Variants in SARAF observed in about 807,000 individuals in gnomAD.
The protein encoded by SARAF is store-operated calcium entry associated regulatory factor.
SARAF carries 23 observed loss-of-function variants against 39.7 expected under a neutral mutation model. That is an observed-to-expected ratio of 0.58 (90% confidence interval 0.42 to 0.82). SARAF has a LOEUF of 0.82. SARAF is among the 40% of genes least tolerant of loss of function. SARAF has a pLI of 0.00. For missense variants in SARAF, 384 were observed against 418.5 expected (o/e 0.92, Z 0.72); for synonymous variants, 175 against 168.5 (o/e 1.04, Z -0.30).
At chr8:30,064,561 A>ATATATATATATATTTTTTTTTTT (rs1423689069) in intron 5 of SARAF, among the ~76,000 whole-genome samples, 3 of 46,222 alleles carry the variant, frequency 6.5e-5, no homozygotes, top group Non-Finnish European at 1.0e-4. Context: ...ATATATATAT[A>ATATATATATATATTTTTTTTTTT]TTTTTTTTTT....
At chr8:30,083,102 G>T (rs963068312), upstream of SARAF, 3 of 550,960 alleles carry the variant, frequency 5.4e-6, no homozygotes, top group South Asian at 7.0e-5. Flanking sequence ...GGATCCGTGC[G>T]CCAACCCTAC....
At chr8:30,080,520 C>G (rs780782911) in intron 1 of SARAF, among the ~76,000 whole-genome samples, 1 of 152,204 alleles carries the variant, frequency 6.6e-6, no homozygotes, top group Non-Finnish European at 1.5e-5. Flanking sequence ...CACAATATAG[C>G]ATGTTATTTA....
chr8:30,076,713 C>A (rs1028588484), intron 1 of SARAF, among the ~76,000 whole-genome samples: 1 of 152,142 alleles, frequency 6.6e-6, no homozygotes, highest in Non-Finnish European at 1.5e-5. Context: ...GGTTAGTTAT[C>A]GCAGGAGTGG....
At position 30,074,008 on chromosome 8, in the gene SARAF, G is replaced by A. The variant is rs11538824; in HGVS notation, c.151C>T (p.Arg51Cys). 270 of 1,614,098 alleles carry A rather than the reference G, an allele frequency of 1.7e-4. No individual in the cohort carries two copies. Among genetic ancestry groups the A allele is most frequent in the Non-Finnish European group, 2.2e-4 (261 of 1,180,012 alleles). The change falls in exon 2 of 6, where the codon CGC becomes TGC. Residue 51 changes from arginine to cysteine, a missense_variant. By Grantham distance (180) the Arg-to-Cys change is radical. Transcript: ENST00000256255. Reference sequence around the variant, plus strand: ...TCCAGCCTGCGGGAGGTGGTATAGCGGTCATAGTGGAGGGTAAGAGCTTTT... The same window carrying A: ...TCCAGCCTGCGGGAGGTGGTATAGCAGTCATAGTGGAGGGTAAGAGCTTTT... ...DVKALTLHYD[R>C]YTTSRRLDPI...
At chr8:30,075,429 A>T (rs745723651) in intron 1 of SARAF, among the ~76,000 whole-genome samples, 2 of 152,236 alleles carry the variant, frequency 1.3e-5, no homozygotes, top group Non-Finnish European at 2.9e-5. Context: ...CTTCACCCTC[A>T]AACAGGTATG....
At chr8:30,083,076 G>C (rs954978096), upstream of SARAF, 20 of 629,272 alleles carry the variant, frequency 3.2e-5, no homozygotes, top group Non-Finnish European at 4.4e-5. Context: ...CCCGACTGCA[G>C]AGCTGCAGCC....
intron 5 of SARAF, among the ~76,000 whole-genome samples, chr8:30,064,534 C>CATAT (rs71204255): frequency 3.5e-4 from 27 of 78,218 alleles, no homozygotes; most frequent in Admixed American, 9.7e-4. Flanking sequence ...CTTACCTAGC[C>CATAT]ATATATATAT....
chr8:30,065,482 T>G (rs990951695), intron 5 of SARAF, among the ~76,000 whole-genome samples: 6 of 152,208 alleles, frequency 3.9e-5, no homozygotes, highest in Non-Finnish European at 7.3e-5. Context: ...CAGAGCAATC[T>G]CTCATGGCCT....
At chr8:30,068,016 T>A (rs1328894624) in intron 3 of SARAF, among the ~76,000 whole-genome samples, 1 of 152,192 alleles carries the variant, frequency 6.6e-6, no homozygotes, top group Non-Finnish European at 1.5e-5. Flanking sequence ...TTATGGTGGT[T>A]ATCTGGTGGC....
chr8:30,068,244 C>A (rs1330874349), intron 3 of SARAF, among the ~76,000 whole-genome samples: 2 of 152,208 alleles, frequency 1.3e-5, no homozygotes, highest in African/African-American at 2.4e-5. Context: ...ACTTGCATTA[C>A]TACCTGAGCT....
chr8:30,073,615 A>G (rs1191908389), intron 2 of SARAF: 2 of 361,308 alleles, frequency 5.5e-6, no homozygotes, highest in East Asian at 1.0e-4. Flanking sequence ...ACCCTCAAGT[A>G]TATAAAAAGT....
intron 1 of SARAF, among the ~76,000 whole-genome samples, chr8:30,080,357 G>A (rs1802069847): frequency 6.6e-6 from 1 of 152,106 alleles, no homozygotes; most frequent in African/African-American, 2.4e-5. Flanking sequence ...AGTAATTTCA[G>A]GTCATTTACT....
intron 1 of SARAF, among the ~76,000 whole-genome samples, chr8:30,082,013 G>C (rs1802111830): frequency 6.6e-6 from 1 of 152,012 alleles, no homozygotes; most frequent in Non-Finnish European, 1.5e-5. Context: ...GGTGCCGCGC[G>C]ATGTACATCA....
At chr8:30,065,683 G>C (rs1801668264) in intron 5 of SARAF, 1 of 269,178 alleles carries the variant, frequency 3.7e-6, no homozygotes. Flanking sequence ...CTTCTACTTA[G>C]AAAAGTCTAG....
rs769714501 is a variant in SARAF, at chr8:30,075,522, A to G, written c.104-1467T>C. ...AATTTCAGTTCTGCCAACCAGAGGG[A>G]CTCGAGCAAAATCTGGAAAGCAGAC... On this transcript the variant is annotated intron_variant, in intron 1 of 5. Transcript: ENST00000256255. 1.1e-3 allele frequency among the ~76,000 whole-genome samples: 163 copies of G among 152,190 alleles called. 1 individual carries two copies. The highest frequency in any genetic ancestry group is 9.6e-4 in the Non-Finnish European group (65 of 68,024).
intron 1 of SARAF, among the ~76,000 whole-genome samples, chr8:30,081,140 AAAAAC>A (rs1802089060): frequency 6.6e-6 from 1 of 152,238 alleles, no homozygotes; most frequent in Non-Finnish European, 1.5e-5. Context: ...ACTGTCTCAA[AAAAAC>A]AAAACAAAAC....
chr8:30,065,526 T>C (rs1297882890), intron 5 of SARAF, among the ~76,000 whole-genome samples: 3 of 152,252 alleles, frequency 2.0e-5, no homozygotes, highest in Non-Finnish European at 4.4e-5. Flanking sequence ...GGCTTGATGC[T>C]TAATCCAGTT....
chr8:30,063,984 C>A lies in SARAF; in HGVS notation c.995-71G>T. On this transcript the variant is annotated intron_variant, in intron 5 of 5. Transcript: ENST00000256255. ...TAGAATTGCTTATAAAATTACAAGTCATACATGTTTATTGTCAGCAAATGA... is the reference window on the plus strand; with the variant it reads ...TAGAATTGCTTATAAAATTACAAGTAATACATGTTTATTGTCAGCAAATGA... 6 of 1,302,594 alleles carry A rather than the reference C, an allele frequency of 4.6e-6. No individual in the cohort carries two copies. In the South Asian group the frequency reaches 7.5e-5, roughly 16 times the overall value. The allele number at this position is 1,302,594 out of a possible 1,614,324, so 80.7% of individuals were successfully genotyped here.
chr8:30,082,685 C>CA, intron 1 of SARAF, 162 bp downstream of exon 1: 1 of 544,800 alleles, frequency 1.8e-6, no homozygotes, highest in Non-Finnish European at 3.2e-6. Context: ...CTGGGAAGAG[C>CA]AGTGGAACCA....
Sources: allele counts gnomAD v4.1 joint callset (sites outside exome capture counted in the v4.1 genomes callset), GRCh38; gene constraint gnomAD v4.1.1; transcripts MANE v1.5; gene names NCBI Gene and HGNC (gene_info 2026-07-23, HGNC 2026-07-21).